The following ZFAND3 variants were observed in gnomAD, a reference collection of about 807,000 sequenced individuals.
The protein encoded by ZFAND3 is zinc finger AN1-type containing 3, also known as AN1-type zinc finger protein 3.
Under a neutral mutation model 29.6 loss-of-function variants are expected in ZFAND3, and 10 were observed. The observed-to-expected ratio is 0.34, with a 90% confidence interval of 0.21 to 0.57. The LOEUF (loss-of-function observed/expected upper bound fraction) is 0.57. Among genes scored for constraint, ZFAND3 ranks in the 20% least tolerant of loss-of-function variants. ZFAND3 has a pLI of 0.86. For synonymous variants in ZFAND3, 128 were observed against 112.6 expected, an observed-to-expected ratio of 1.14 and a Z score of -0.87; for missense variants, 230 against 304.5, an observed-to-expected ratio of 0.76 and a Z score of 1.82.
chr6:37,994,603 ATTT>A (rs1321421783), intron 2 of ZFAND3, among the ~76,000 whole-genome samples: 1 of 152,156 alleles, frequency 6.6e-6, no homozygotes, highest in Non-Finnish European at 1.5e-5. Context: ...GGCTGTCTAT[ATTT>A]ATCAAATACA....
Position 37,957,764 on chromosome 6 carries a change from C to G in ZFAND3, c.112+27765C>G, listed in dbSNP as rs76003047. Among the ~76,000 whole-genome samples the G allele has an allele frequency of 8.7e-3, 1,328 of 152,190 alleles. 18 individuals carry two copies. Among genetic ancestry groups the G allele is most frequent in the African/African-American group, 0.03 (1,252 of 41,512 alleles). Reference sequence around the variant, plus strand: ...ACATGATCTACTCTAGGAAACTTGTCAGTACTTTTGTATGCTAGTTGCATA... The same window carrying G: ...ACATGATCTACTCTAGGAAACTTGTGAGTACTTTTGTATGCTAGTTGCATA... On this transcript the variant is annotated intron_variant, in intron 2 of 5. Coordinates refer to ENST00000287218, the MANE Select transcript of ZFAND3 (RefSeq NM_021943.3).
At chr6:38,093,115 G>A (rs1764905986) in intron 4 of ZFAND3, among the ~76,000 whole-genome samples, 1 of 152,222 alleles carries the variant, frequency 6.6e-6, no homozygotes, top group South Asian at 2.1e-4. Context: ...TTGGGTTAAT[G>A]TAAATAGGTT....
chr6:37,851,471 A>G (rs1764280801), intron 1 of ZFAND3, among the ~76,000 whole-genome samples: 7 of 145,776 alleles, frequency 4.8e-5, no homozygotes, highest in Admixed American at 2.7e-4. Flanking sequence ...TAAAAATCAA[A>G]TTCCTTAGTC....
chr6:37,934,736 G>A (rs1032103990), intron 2 of ZFAND3, among the ~76,000 whole-genome samples: 1 of 151,032 alleles, frequency 6.6e-6, no homozygotes, highest in African/African-American at 2.4e-5. Flanking sequence ...CTACTCGGGA[G>A]GCTGAGGCAG....
chr6:37,922,056 C>T (rs762590747), intron 1 of ZFAND3, among the ~76,000 whole-genome samples: 1 of 151,844 alleles, frequency 6.6e-6, no homozygotes, highest in Non-Finnish European at 1.5e-5. Flanking sequence ...AGAGCCAGGC[C>T]TTGTCTCATA....
At chr6:38,123,027 G>T (rs921698309) in intron 5 of ZFAND3, among the ~76,000 whole-genome samples, 4 of 152,220 alleles carry the variant, frequency 2.6e-5, no homozygotes, top group Non-Finnish European at 1.5e-5. Context: ...GAGGAGTTTG[G>T]ATGTTCGTTT....
At chr6:37,910,681 T>C (rs1188753233) in intron 1 of ZFAND3, among the ~76,000 whole-genome samples, 1 of 152,196 alleles carries the variant, frequency 6.6e-6, no homozygotes, top group Non-Finnish European at 1.5e-5. Flanking sequence ...ATTGATTTAT[T>C]CCTCCTAACT....
chr6:38,135,973 A>C (rs1765835145), intron 5 of ZFAND3, among the ~76,000 whole-genome samples: 1 of 152,168 alleles, frequency 6.6e-6, no homozygotes, highest in Admixed American at 6.5e-5. Flanking sequence ...AAAAATGGTC[A>C]CAAGTAAAAA....
rs558705655 is a variant in ZFAND3, at chr6:37,822,696, T to C, written c.71+2680T>C. Reference sequence around the variant, plus strand: ...GGGGTGGAGGTAGAGGAAAGTAGCCTGGAGAAAGTGACACTTTAGCCTAGA... The same window carrying C: ...GGGGTGGAGGTAGAGGAAAGTAGCCCGGAGAAAGTGACACTTTAGCCTAGA... On this transcript the variant is annotated intron_variant, in intron 1 of 5. Coordinates refer to ENST00000287218, the MANE Select transcript of ZFAND3 (RefSeq NM_021943.3). 3.1e-3 allele frequency among the ~76,000 whole-genome samples: 468 copies of C among 152,230 alleles called. 3 individuals are homozygous for C. The highest frequency in any genetic ancestry group is 0.011 in the African/African-American group (446 of 41,526).
chr6:38,012,979 A>G (rs1448783977), intron 2 of ZFAND3, among the ~76,000 whole-genome samples: 1 of 152,192 alleles, frequency 6.6e-6, no homozygotes, highest in Non-Finnish European at 1.5e-5. Flanking sequence ...AACATTGGTT[A>G]TTTGGGTACT....
At chr6:38,041,623 ATCTACTTTTTCTTCTTCTTCTTCTTCT>A (rs1334887947) in intron 2 of ZFAND3, among the ~76,000 whole-genome samples, 6 of 102,436 alleles carry the variant, frequency 5.9e-5, no homozygotes, top group East Asian at 2.3e-4. Context: ...CTGTTTTTTT[ATCTACTTTTTCTTCTTCTTCTTCTTCT>A]TCTTCTTCTT....
intron 1 of ZFAND3, among the ~76,000 whole-genome samples, chr6:37,873,134 G>T (rs111851084): frequency 3.3e-5 from 5 of 152,194 alleles, no homozygotes; most frequent in African/African-American, 1.2e-4. Context: ...AGCCAGGCGC[G>T]GTGGCGGGTG....
At chr6:38,126,866 A>C (rs969018132) in intron 5 of ZFAND3, among the ~76,000 whole-genome samples, 1 of 151,764 alleles carries the variant, frequency 6.6e-6, no homozygotes, top group African/African-American at 2.4e-5. Context: ...TTTATTCCTA[A>C]ATATTTTAGT....
At chr6:38,051,739 A>G (rs1024885972) in intron 2 of ZFAND3, among the ~76,000 whole-genome samples, 3 of 152,242 alleles carry the variant, frequency 2.0e-5, no homozygotes, top group African/African-American at 7.2e-5. Context: ...TTAGAACTAG[A>G]TTAATGCCAC....
chr6:37,853,454 C>G (rs113823781), intron 1 of ZFAND3, among the ~76,000 whole-genome samples: 17 of 148,498 alleles, frequency 1.1e-4, no homozygotes, highest in African/African-American at 4.2e-4. Flanking sequence ...CTCATTCTTG[C>G]TCTTTGGTGG....
chr6:38,056,347 T>A (rs1764134409), intron 2 of ZFAND3, among the ~76,000 whole-genome samples: 1 of 152,220 alleles, frequency 6.6e-6, no homozygotes, highest in African/African-American at 2.4e-5. Flanking sequence ...TTAATTTGTT[T>A]TCAATGAGAG....
chr6:38,028,453 T>C (rs1763489502), intron 2 of ZFAND3, among the ~76,000 whole-genome samples: 1 of 152,108 alleles, frequency 6.6e-6, no homozygotes, highest in Admixed American at 6.5e-5. Context: ...AAGTGTCTTA[T>C]CACAACCTTG....
chr6:37,963,208 A>G (rs1762230017), intron 2 of ZFAND3, among the ~76,000 whole-genome samples: 1 of 152,216 alleles, frequency 6.6e-6, no homozygotes, highest in Non-Finnish European at 1.5e-5. Context: ...CCTATGGAAC[A>G]CCAAGTAGAT....
intron 1 of ZFAND3, among the ~76,000 whole-genome samples, chr6:37,929,479 G>T (rs1203746554): frequency 6.6e-6 from 1 of 152,216 alleles, no homozygotes; most frequent in Non-Finnish European, 1.5e-5. Context: ...AAATAGGAAA[G>T]ATCAAAGTTC....
Sources: gnomAD v4.1 joint callset for allele counts (sites outside exome capture counted in the v4.1 genomes callset) on GRCh38, gnomAD v4.1.1 for gene constraint, MANE v1.5 for transcripts, NCBI Gene and HGNC (gene_info 2026-07-23, HGNC 2026-07-21) for gene names.